RASGEF1C: variants seen among roughly 807,000 people sequenced by gnomAD.
RASGEF1C encodes RasGEF domain family member 1C.
A neutral mutation model predicts 58.1 loss-of-function variants in RASGEF1C; 27 were observed. The ratio of observed to expected loss-of-function variants is 0.46; its 90% CI spans 0.34 to 0.64. The LOEUF (loss-of-function observed/expected upper bound fraction) is 0.64. Among genes scored for constraint, RASGEF1C ranks in the 30% least tolerant of loss-of-function variants. RASGEF1C has a pLI of 0.01. For synonymous variants in RASGEF1C, 243 were observed against 246.3 expected (o/e 0.99, Z 0.13); for missense variants, 502 against 605.1 (o/e 0.83, Z 1.79).
intron 1 of RASGEF1C, among the ~76,000 whole-genome samples, chr5:180,206,380 C>T (rs577709303): frequency 2.0e-5 from 3 of 152,244 alleles, no homozygotes; most frequent in African/African-American, 7.2e-5. Flanking sequence ...GAAAAGATGT[C>T]CAATTTCATT....
rs756577685 is a variant in RASGEF1C at position 180,111,502 on chromosome 5, T to G, written c.1258A>C (p.Ser420Arg). Residue 420 changes from serine to arginine, a missense_variant, in exon 12 of 14, where the codon AGC (serine) becomes CGC (arginine). Physicochemically the swap from Ser to Arg is moderately radical, Grantham distance 110. Coordinates refer to ENST00000361132, the MANE Select transcript of RASGEF1C (RefSeq NM_175062.4). ...GCGGTGTACAGGTAGTGGGTGATGCTGGCGTCTTGCTCGAAGGGACACTCC... is the reference window on the plus strand; with the variant it reads ...GCGGTGTACAGGTAGTGGGTGATGCGGGCGTCTTGCTCGAAGGGACACTCC... The part of the protein sequence containing the change: ...QVECPFEQDA[S>R]ITHYLYTAPI... 1 of 1,614,204 alleles carries G rather than the reference T, an allele frequency of 6.2e-7. No individual in the cohort carries two copies. The highest frequency in any genetic ancestry group is 8.5e-7 in the Non-Finnish European group (1 of 1,180,028).
intron 1 of RASGEF1C, among the ~76,000 whole-genome samples, chr5:180,150,711 GC>G (rs945190181): frequency 9.0e-4 from 137 of 152,170 alleles, no homozygotes; most frequent in African/African-American, 2.5e-3. Context: ...AGAAGTTCTG[GC>G]CAGGGCAATC....
intron 1 of RASGEF1C, among the ~76,000 whole-genome samples, chr5:180,139,758 G>A (rs1219318069): frequency 6.6e-6 from 1 of 152,210 alleles, no homozygotes; most frequent in Non-Finnish European, 1.5e-5. Context: ...AGTGGGAGGG[G>A]GACAGCTGCG....
chr5:180,162,224 C>T (rs1016653529), intron 1 of RASGEF1C, among the ~76,000 whole-genome samples: 1 of 152,224 alleles, frequency 6.6e-6, no homozygotes, highest in Non-Finnish European at 1.5e-5. Flanking sequence ...CTGAAAATCA[C>T]GACATTGTCT....
At chr5:180,172,696 C>T (rs1581119003) in intron 1 of RASGEF1C, among the ~76,000 whole-genome samples, 2 of 152,228 alleles carry the variant, frequency 1.3e-5, no homozygotes, top group East Asian at 1.9e-4. Context: ...CTCTCACGCC[C>T]AGCTCCCCAA....
In RASGEF1C at chr5:180,137,117, G is replaced by C. The variant is rs4467668; in HGVS notation, c.300+473C>G. On this transcript the variant is annotated intron_variant, in intron 3 of 13. Transcript: ENST00000361132. This position sits in a 1 kb window ranked among gnomAD's most constrained non-coding sequence, Gnocchi z 4.1. ...GCTGTGGTGTGAGGCCCGAGCCAGC[G>C]GTCCCTGAGATAGGGCAGGTACACG... Among the ~76,000 whole-genome samples the C allele has an allele frequency of 6.6e-6, 1 of 152,148 alleles. No homozygotes were observed. The highest frequency in any genetic ancestry group is 2.4e-5 in the African/African-American group (1 of 41,434).
At chr5:180,122,394 T>C (rs1380176789) in intron 6 of RASGEF1C, among the ~76,000 whole-genome samples, 1 of 152,222 alleles carries the variant, frequency 6.6e-6, no homozygotes, top group Non-Finnish European at 1.5e-5. Flanking sequence ...CTTTCCACTG[T>C]ATAATATACC....
chr5:180,118,897 G>T lies in RASGEF1C; in HGVS notation c.908-31C>A, dbSNP rs1222488036. ...AGAGGGAGGAGGGTTGGAGAGGGCT[G>T]CTCCTGGGACAGGGGGGCCTCTGCG... On this transcript the variant is annotated intron_variant, in intron 8 of 13. Coordinates refer to ENST00000361132, the MANE Select transcript of RASGEF1C (RefSeq NM_175062.4). The T allele has an allele frequency of 1.9e-6, 3 of 1,600,352 alleles. No homozygotes were observed. The African/African-American group carries it at 4.0e-5, about 21-fold the overall frequency.
At chr5:180,181,124 C>T (rs1454791804) in intron 1 of RASGEF1C, among the ~76,000 whole-genome samples, 3 of 152,184 alleles carry the variant, frequency 2.0e-5, no homozygotes, top group Non-Finnish European at 4.4e-5. Context: ...GGGCTCTGCC[C>T]CTCCCATCAC....
intron 6 of RASGEF1C, among the ~76,000 whole-genome samples, chr5:180,125,719 T>C (rs1403705632): frequency 6.6e-6 from 1 of 151,368 alleles, no homozygotes; most frequent in East Asian, 2.0e-4. Context: ...GAGGTGGAGG[T>C]TGCAATGAGC....
intron 1 of RASGEF1C, among the ~76,000 whole-genome samples, chr5:180,149,099 T>C (rs1766707036): frequency 2.1e-5 from 2 of 93,104 alleles, no homozygotes; most frequent in Admixed American, 8.9e-5. Context: ...TTTTTTTTTT[T>C]TTTTTTTGAG....
chr5:180,203,210 C>T (rs1295775173), intron 1 of RASGEF1C, among the ~76,000 whole-genome samples: 1 of 152,212 alleles, frequency 6.6e-6, no homozygotes, highest in Non-Finnish European at 1.5e-5. Flanking sequence ...CTCTGACCAA[C>T]AGACTATGGC....
Position 180,156,678 on chromosome 5 carries a change from G to A in RASGEF1C, c.-6-18620C>T, listed in dbSNP as rs1263946154. 1.3e-5 allele frequency among the ~76,000 whole-genome samples: 2 copies of A among 151,894 alleles called. No individual in the cohort carries two copies. The highest frequency in any genetic ancestry group is 2.4e-5 in the African/African-American group (1 of 41,344). On this transcript the variant is annotated intron_variant, in intron 1 of 13. Coordinates refer to ENST00000361132, the MANE Select transcript of RASGEF1C (RefSeq NM_175062.4). The surrounding 1 kb of genome is among the most constrained non-coding windows in gnomAD (Gnocchi z 4.9). ...TCCCAGCTACTTGGGAGGCTGAGGT[G>A]GGAGGATCACCTGAACCCAGGAAGT...
intron 6 of RASGEF1C, among the ~76,000 whole-genome samples, chr5:180,123,857 C>T (rs1766214536): frequency 6.6e-6 from 1 of 151,942 alleles, no homozygotes; most frequent in Non-Finnish European, 1.5e-5. Flanking sequence ...AATCAAAATA[C>T]TAGAGATGGA....
chr5:180,118,908 A>AG lies in RASGEF1C; in HGVS notation c.908-43dup, dbSNP rs746253194. On this transcript the variant is annotated intron_variant, in intron 8 of 13. Coordinates refer to ENST00000361132, the MANE Select transcript of RASGEF1C (RefSeq NM_175062.4). ...GGTTGGAGAGGGCTGCTCCTGGGACAGGGGGGCCTCTGCGTAGCTGCACCC... is the reference window on the plus strand; with the variant it reads ...GGTTGGAGAGGGCTGCTCCTGGGACAGGGGGGGCCTCTGCGTAGCTGCACCC... The AG allele has an allele frequency of 4.4e-6, 7 of 1,583,138 alleles. No homozygotes were observed. In the South Asian group the frequency reaches 4.4e-5, roughly 10 times the overall value.
chr5:180,118,480 C>A, intron 10 of RASGEF1C, 129 bp downstream of exon 10: 1 of 828,826 alleles, frequency 1.2e-6, no homozygotes, highest in Non-Finnish European at 1.9e-6. Flanking sequence ...ACGCTGGAGG[C>A]ACGCAAGCAA....
chr5:180,200,066 C>A (rs113543779), intron 1 of RASGEF1C, among the ~76,000 whole-genome samples: 3,380 of 152,042 alleles, frequency 0.022, 52 homozygotes, highest in Middle Eastern at 0.034. Flanking sequence ...TCAAGACCAG[C>A]CTGCCCAACA....
At chr5:180,119,252 G>A (rs903274252) in intron 8 of RASGEF1C, 94 bp downstream of exon 8, 6 of 1,057,458 alleles carry the variant, frequency 5.7e-6, no homozygotes, top group South Asian at 3.8e-5. Flanking sequence ...TCAGAGGAGA[G>A]CCCTGGCTTG....
At chr5:180,125,610 T>C (rs10479458) in intron 6 of RASGEF1C, among the ~76,000 whole-genome samples, 6,362 of 152,038 alleles carry the variant, frequency 0.042, 478 homozygotes, top group African/African-American at 0.15. Flanking sequence ...TGGAGAACCC[T>C]TGTCTCTACT....
Sources: allele counts gnomAD v4.1 joint callset (sites outside exome capture counted in the v4.1 genomes callset), GRCh38; gene constraint gnomAD v4.1.1; non-coding constraint Gnocchi (gnomAD v3.1); transcripts MANE v1.5; gene names NCBI Gene and HGNC (gene_info 2026-07-23, HGNC 2026-07-21).